The following LRP1B variants were observed in gnomAD, a reference collection of about 807,000 sequenced individuals.
LRP1B encodes the protein LDL receptor related protein 1B, also known as low-density lipoprotein receptor-related protein 1B.
A neutral mutation model predicts 556.6 loss-of-function variants in LRP1B; 217 were observed. The observed-to-expected ratio is 0.39, with a 90% confidence interval of 0.35 to 0.44. LRP1B has a LOEUF of 0.44. Ranked by LOEUF, LRP1B falls within the 20% of genes least tolerant of loss-of-function variation. The pLI, the probability that LRP1B is intolerant of heterozygous loss-of-function variation, is 1.00. For missense variants in LRP1B, 5,053 were observed against 5,620.8 expected, an observed-to-expected ratio of 0.90 and a Z score of 3.23; for synonymous variants, 2,047 against 1,865.8, an observed-to-expected ratio of 1.10 and a Z score of -2.50.
At chr2:141,810,170 A>AAAGAAGTG in intron 2 of LRP1B, 109 bp downstream of exon 2, 1 of 874,304 alleles carries the variant, frequency 1.1e-6, no homozygotes, top group South Asian at 3.1e-5. Flanking sequence ...AGAAAGAAGG[A>AAAGAAGTG]AAGAAAGAAA....
At chr2:141,508,124 C>T (rs2105145886) in intron 2 of LRP1B, among the ~76,000 whole-genome samples, 2 of 150,612 alleles carry the variant, frequency 1.3e-5, no homozygotes, top group South Asian at 4.2e-4. Context: ...AAAATTAAAA[C>T]ATAGCTCTAA....
At chr2:141,507,879 A>G (rs935832444) in intron 2 of LRP1B, among the ~76,000 whole-genome samples, 6 of 151,980 alleles carry the variant, frequency 3.9e-5, no homozygotes, top group Non-Finnish European at 7.4e-5. Context: ...TGAGGTCAGG[A>G]GTTCAAGTCC....
At chr2:140,978,300 C>T (rs41472552) in intron 18 of LRP1B, among the ~76,000 whole-genome samples, 4,523 of 152,206 alleles carry the variant, frequency 0.03, 171 homozygotes, top group African/African-American at 0.089. Flanking sequence ...CTCCTAATTA[C>T]CAGCAGAAAC....
At chr2:141,354,319 A>C (rs1374659297) in intron 3 of LRP1B, among the ~76,000 whole-genome samples, 1 of 152,062 alleles carries the variant, frequency 6.6e-6, no homozygotes, top group South Asian at 2.1e-4. Context: ...AGTTATCTAG[A>C]AGAAGGTCAG....
intron 1 of LRP1B, among the ~76,000 whole-genome samples, chr2:141,897,121 A>G (rs978119614): frequency 2.0e-4 from 31 of 152,212 alleles, no homozygotes; most frequent in Admixed American, 1.6e-3. Context: ...TTGATTTTAA[A>G]GTATAATCTT....
chr2:140,887,500 C>A (rs1417095299), intron 23 of LRP1B, among the ~76,000 whole-genome samples: 4 of 152,046 alleles, frequency 2.6e-5, no homozygotes, highest in African/African-American at 7.2e-5. Context: ...ATACCATAGA[C>A]AAAAACTAAC....
intron 47 of LRP1B, among the ~76,000 whole-genome samples, chr2:140,526,597 A>T (rs1383724972): frequency 6.6e-6 from 1 of 151,188 alleles, no homozygotes; most frequent in Non-Finnish European, 1.5e-5. Flanking sequence ...CTGCCTGTTT[A>T]AGTACCTGAA....
In LRP1B at chr2:140,394,104, C is replaced by T. The variant is rs183176338; in HGVS notation, c.10415-8095G>A. On this transcript the variant is annotated intron_variant, in intron 66 of 90. Transcript: ENST00000389484. ...ATTCTCTGTCTCCTTTTCTGTAGCC[C>T]GTAGGGTTTACTGGCACATATTTTT... Among the ~76,000 whole-genome samples the T allele has an allele frequency of 4.0e-3, 603 of 150,704 alleles. 10 individuals are homozygous for T. Among genetic ancestry groups the T allele is most frequent in the Admixed American group, 0.036 (550 of 15,118 alleles).
intron 1 of LRP1B, among the ~76,000 whole-genome samples, chr2:142,065,988 T>C (rs1177020606): frequency 6.6e-6 from 1 of 151,290 alleles, no homozygotes; most frequent in East Asian, 1.9e-4. Context: ...TCCCAAAGTA[T>C]AATGGTGGTA....
chr2:141,336,615 T>G (rs891381502), intron 3 of LRP1B, among the ~76,000 whole-genome samples: 2 of 152,230 alleles, frequency 1.3e-5, no homozygotes, highest in African/African-American at 4.8e-5. Context: ...TCTATTAATT[T>G]TAATACACGT....
chr2:142,106,922 T>G (rs928592972), intron 1 of LRP1B, among the ~76,000 whole-genome samples: 1 of 152,250 alleles, frequency 6.6e-6, no homozygotes, highest in South Asian at 2.1e-4. Flanking sequence ...GGGACAAATA[T>G]ACATGAGCAT....
At chr2:141,021,061 C>T (rs1041278967) in intron 11 of LRP1B, among the ~76,000 whole-genome samples, 24 of 151,918 alleles carry the variant, frequency 1.6e-4, no homozygotes, top group Admixed American at 1.6e-3. Context: ...TCTCTCAAAA[C>T]CAAGGTAGAG....
At chr2:140,341,733 G>A (rs1233321534) in intron 77 of LRP1B, among the ~76,000 whole-genome samples, 1 of 151,362 alleles carries the variant, frequency 6.6e-6, no homozygotes, top group Non-Finnish European at 1.5e-5. Context: ...GTAAGAAAAT[G>A]GGAGAGGTGT....
At chr2:141,632,293 T>C (rs1429817644) in intron 2 of LRP1B, among the ~76,000 whole-genome samples, 1 of 152,198 alleles carries the variant, frequency 6.6e-6, no homozygotes, top group Admixed American at 6.5e-5. Context: ...TTAAAACTCT[T>C]AATATTAGCA....
intron 3 of LRP1B, among the ~76,000 whole-genome samples, chr2:141,415,982 A>G (rs1266224169): frequency 6.6e-6 from 1 of 152,228 alleles, no homozygotes; most frequent in African/African-American, 2.4e-5. Context: ...GTTTAAATTA[A>G]TCGCCAGACT....
At chr2:140,536,295 T>A (rs1574053512) in intron 46 of LRP1B, among the ~76,000 whole-genome samples, 1 of 104,126 alleles carries the variant, frequency 9.6e-6, no homozygotes. Context: ...GGCAACACAA[T>A]GAGACCCCGT....
intron 1 of LRP1B, among the ~76,000 whole-genome samples, chr2:141,896,513 TCTGAA>T (rs1699457311): frequency 6.6e-6 from 1 of 152,160 alleles, no homozygotes; most frequent in Non-Finnish European, 1.5e-5. Flanking sequence ...ATGTCATTTT[TCTGAA>T]CATTTCAAAT....
intron 1 of LRP1B, among the ~76,000 whole-genome samples, chr2:142,099,066 C>T (rs1370575287): frequency 6.6e-6 from 1 of 151,762 alleles, no homozygotes; most frequent in Non-Finnish European, 1.5e-5. Context: ...TGCCTGAAAA[C>T]ATTATTCATA....
chr2:140,453,315 T>C (rs1686957871), intron 62 of LRP1B, among the ~76,000 whole-genome samples: 1 of 152,026 alleles, frequency 6.6e-6, no homozygotes, highest in Admixed American at 6.6e-5. Flanking sequence ...AATATACTTA[T>C]CTTATTTTTC....
Sources: allele counts gnomAD v4.1 joint callset (sites outside exome capture counted in the v4.1 genomes callset), GRCh38; gene constraint gnomAD v4.1.1; transcripts MANE v1.5; gene names NCBI Gene and HGNC (gene_info 2026-07-23, HGNC 2026-07-21).